The following ZYX variants were observed in gnomAD, a reference collection of about 807,000 sequenced individuals.
ZYX encodes the protein zyxin, also known as zyxin-2.
Under a neutral mutation model 58.1 loss-of-function variants are expected in ZYX, and 37 were observed. The ratio of observed to expected loss-of-function variants is 0.64; its 90% confidence interval spans 0.49 to 0.84. The LOEUF (loss-of-function observed/expected upper bound fraction) is 0.84. Among genes scored for constraint, ZYX ranks in the 40% least tolerant of loss-of-function variants. The pLI is 0.00. For missense variants in ZYX, 762 were observed against 761.6 expected (o/e 1.00, Z -0.01); for synonymous variants, 324 against 321.1 (o/e 1.01, Z -0.10).
Position 143,390,985 on chromosome 7 carries a change from G to GC in ZYX, c.*309dup, listed in dbSNP as rs1219721415. ...ACTGCTGCACCCGCGCCCTCGGCCG[G>GC]CCCCCCGAGCAGCCTTTGTACTCTG... On this transcript the variant is annotated 3_prime_UTR_variant, in exon 10 of 10. Coordinates refer to ENST00000322764, the MANE Select transcript of ZYX (RefSeq NM_003461.5). The surrounding 1 kb of genome is among the most constrained non-coding windows in gnomAD (Gnocchi z 4.3). The GC allele has an allele frequency of 8.7e-5, 35 of 400,314 alleles. No individual in the cohort carries two copies. The highest frequency in any genetic ancestry group is 6.4e-4 in the South Asian group (23 of 36,040). The allele number at this position is 400,314 out of a possible 1,614,324, so 24.8% of individuals were successfully genotyped here.
intron 5 of ZYX, among the ~76,000 whole-genome samples, chr7:143,386,621 T>C (rs2116583192): frequency 6.6e-6 from 1 of 150,978 alleles, no homozygotes; most frequent in East Asian, 2.0e-4. Context: ...TGCGGGTGGC[T>C]GCAGGTGCCC....
chr7:143,384,580 G>C lies in ZYX; in HGVS notation c.1023+1258G>C, dbSNP rs1804789000. On this transcript the variant is annotated intron_variant, in intron 5 of 9. Coordinates refer to ENST00000322764, the MANE Select transcript of ZYX (RefSeq NM_003461.5). This position sits in a 1 kb window ranked among gnomAD's most constrained non-coding sequence, Gnocchi z 4.9. ...CACCAGCAGAGATGTGTATTCGAGGGAGGTCAGTGATGGGTGTGAATTCAC... is the reference window on the plus strand; with the variant it reads ...CACCAGCAGAGATGTGTATTCGAGGCAGGTCAGTGATGGGTGTGAATTCAC... 2.0e-5 allele frequency among the ~76,000 whole-genome samples: 3 copies of C among 152,122 alleles called. No homozygotes were observed. Among genetic ancestry groups the C allele is most frequent in the Admixed American group, 1.3e-4 (2 of 15,260 alleles).
rs1804995666 is a variant in ZYX, at chr7:143,389,570, G to T, written c.1494-287G>T. 2.0e-5 allele frequency among the ~76,000 whole-genome samples: 3 copies of T among 152,230 alleles called. No homozygotes were observed. Among genetic ancestry groups the T allele is most frequent in the Admixed American group, 6.5e-5 (1 of 15,286 alleles). On this transcript the variant is annotated intron_variant, in intron 8 of 9. Transcript: ENST00000322764. The surrounding 1 kb of genome is among the most constrained non-coding windows in gnomAD (Gnocchi z 5.6). Reference sequence around the variant, plus strand: ...AGGGGTACCTCAGGGCTGGCTTTCTGCAGGAGCTGCAGTGTGAATGGGACA... The same window carrying T: ...AGGGGTACCTCAGGGCTGGCTTTCTTCAGGAGCTGCAGTGTGAATGGGACA...
intron 2 of ZYX, 161 bp from the exon 3 acceptor site, chr7:143,382,087 A>T (rs1030097583): frequency 1.5e-6 from 1 of 652,940 alleles, no homozygotes; most frequent in Non-Finnish European, 2.6e-6. Context: ...GCCTTTCCTG[A>T]CCTGGTACTC....
Position 143,390,789 on chromosome 7 carries a change from C to A in ZYX, c.*107C>A. ...TATTGTTTTGATGTCTAGCCCCTCC[C>A]ATTTCCAACCCCTCCCTAGCATCCC... is the stretch of plus-strand genomic sequence containing the variant. On this transcript the variant is annotated 3_prime_UTR_variant, in exon 10 of 10. Transcript: ENST00000322764. The surrounding 1 kb of genome is among the most constrained non-coding windows in gnomAD (Gnocchi z 4.3). 1.2e-6 allele frequency: 1 copy of A among 839,380 alleles called. No homozygotes were observed. Among genetic ancestry groups the A allele is most frequent in the Non-Finnish European group, 1.9e-6 (1 of 521,980 alleles). The allele number at this position is 839,380 out of a possible 1,614,324, so 52.0% of individuals were successfully genotyped here.
At position 143,381,401 on chromosome 7, in the gene ZYX, C is replaced by G. The variant is rs976826339; in HGVS notation, c.-24C>G. On this transcript the variant is annotated 5_prime_UTR_variant, in exon 1 of 10. Coordinates refer to ENST00000322764, the MANE Select transcript of ZYX (RefSeq NM_003461.5). ...CACCCGAGACGCGGCGCGCACGCTC[C>G]GGCCTGCGGTGAGGCGCGGGGAGCG... is the stretch of plus-strand genomic sequence containing the variant. 9.2e-6 allele frequency: 11 copies of G among 1,198,044 alleles called. No individual in the cohort carries two copies. The highest frequency in any genetic ancestry group is 1.1e-5 in the Non-Finnish European group (11 of 964,932). 74.2% of individuals were successfully genotyped at this position (1,198,044 alleles called of 1,614,324 possible).
Position 143,382,826 on chromosome 7 carries a change from C to T in ZYX, c.527C>T (p.Pro176Leu). The T allele has an allele frequency of 1.2e-6, 2 of 1,607,008 alleles. No homozygotes were observed. Among genetic ancestry groups the T allele is most frequent in the Middle Eastern group, 3.3e-4 (2 of 6,018 alleles). ...GTGTCATCTGGATATGTGCCCCCAC[C>T]AGTGGCCACTCCATTCAGTTCCAAG... ...ARVSSGYVPPPVATPFSSKSS... is the reference protein window; with the variant it reads ...ARVSSGYVPPLVATPFSSKSS... Residue 176 changes from proline to leucine, a missense_variant, in exon 5 of 10, where the codon CCA becomes CTA. By Grantham distance (98) the Pro-to-Leu change is moderately conservative. Transcript: ENST00000322764.
In ZYX at chr7:143,388,981, G is replaced by A. The variant is rs374375780; in HGVS notation, c.1493+36G>A. The A allele has an allele frequency of 3.9e-5, 62 of 1,583,602 alleles. No individual in the cohort carries two copies. Among genetic ancestry groups the A allele is most frequent in the Non-Finnish European group, 5.2e-5 (61 of 1,164,722 alleles). On this transcript the variant is annotated intron_variant, in intron 8 of 9. Coordinates refer to ENST00000322764, the MANE Select transcript of ZYX (RefSeq NM_003461.5). This position sits in a 1 kb window ranked among gnomAD's most constrained non-coding sequence, Gnocchi z 7.5. ...GCCACCTGCCTTCTGGGTTCCCGGCGTGCTTGGTCTGGTAGCCCGGCTGCT... is the reference window on the plus strand; with the variant it reads ...GCCACCTGCCTTCTGGGTTCCCGGCATGCTTGGTCTGGTAGCCCGGCTGCT...
In ZYX at chr7:143,390,882, G is replaced by A. The variant is rs985411352; in HGVS notation, c.*200G>A. ...ATCCCCGCCCTGGGGTCTGGTCCTC[G>A]CCCATCCTGCAGGGATTGCCCACCG... is the stretch of plus-strand genomic sequence containing the variant. On this transcript the variant is annotated 3_prime_UTR_variant, in exon 10 of 10. Transcript: ENST00000322764. This position sits in a 1 kb window ranked among gnomAD's most constrained non-coding sequence, Gnocchi z 4.3. 25 of 569,378 alleles carry A rather than the reference G, an allele frequency of 4.4e-5. 1 individual carries two copies. The highest frequency in any genetic ancestry group is 4.1e-4 in the Middle Eastern group (1 of 2,452). 35.3% of individuals were successfully genotyped at this position (569,378 alleles called of 1,614,324 possible).
intron 1 of ZYX, 73 bp downstream of exon 1, chr7:143,381,482 T>C: frequency 7.2e-7 from 1 of 1,394,220 alleles, no homozygotes; most frequent in Non-Finnish European, 9.4e-7. Flanking sequence ...CGAGTGGGGG[T>C]CACCAAGGGG....
At chr7:143,383,437 G>A (rs1355106942) in intron 5 of ZYX, 115 bp downstream of exon 5, 143 of 1,308,882 alleles carry the variant, frequency 1.1e-4, no homozygotes, top group Non-Finnish European at 1.4e-4. Flanking sequence ...CGGGGGTTGC[G>A]GGGTGGCGGG....
In ZYX at chr7:143,387,314, G is replaced by C. The variant is rs189055985; in HGVS notation, c.1024-905G>C. Reference sequence around the variant, plus strand: ...TGGGAGGAGGTAGCAGGGGGGCTTTGGAGGTTCCAGGTGTTATGGGAATGA... The same window carrying C: ...TGGGAGGAGGTAGCAGGGGGGCTTTCGAGGTTCCAGGTGTTATGGGAATGA... On this transcript the variant is annotated intron_variant, in intron 5 of 9. Coordinates refer to ENST00000322764, the MANE Select transcript of ZYX (RefSeq NM_003461.5). This position sits in a 1 kb window ranked among gnomAD's most constrained non-coding sequence, Gnocchi z 5.8. Among the ~76,000 whole-genome samples, 162 of 152,168 alleles carry C rather than the reference G, an allele frequency of 1.1e-3. 3 individuals are homozygous for C. Among genetic ancestry groups the C allele is most frequent in the South Asian group, 7.7e-3 (37 of 4,816 alleles).
intron 5 of ZYX, among the ~76,000 whole-genome samples, chr7:143,383,749 C>A (rs1010185566): frequency 6.6e-6 from 1 of 152,224 alleles, no homozygotes; most frequent in East Asian, 1.9e-4. Flanking sequence ...GAGACAGCCC[C>A]AGTAAACACT....
chr7:143,388,234 G>A lies in ZYX; in HGVS notation c.1039G>A (p.Ala347Thr), dbSNP rs376527378. ...GGGATTGCAGGTGCGCTCCCCTGGGGCCCCAGGGCCCCTGACTCTGAAGGA... is the reference window on the plus strand; with the variant it reads ...GGGATTGCAGGTGCGCTCCCCTGGGACCCCAGGGCCCCTGACTCTGAAGGA... Reference protein sequence around the residue: ...QNQNQVRSPGAPGPLTLKEVE... With the variant: ...QNQNQVRSPGTPGPLTLKEVE... Residue 347 changes from alanine to threonine, a missense_variant, in exon 6 of 10, where the codon GCC becomes ACC. Transcript: ENST00000322764. This position sits in a 1 kb window ranked among gnomAD's most constrained non-coding sequence, Gnocchi z 7.5. 1 of 1,607,790 alleles carries A rather than the reference G, an allele frequency of 6.2e-7. No individual in the cohort carries two copies. Among genetic ancestry groups the A allele is most frequent in the Non-Finnish European group, 8.5e-7 (1 of 1,176,972 alleles).
intron 2 of ZYX, 90 bp from the exon 3 acceptor site, chr7:143,382,158 C>A: frequency 2.7e-6 from 3 of 1,121,248 alleles, no homozygotes; most frequent in Non-Finnish European, 3.8e-6. Flanking sequence ...TGAGAGAGTT[C>A]TTGGGTTAGG....
Position 143,384,390 on chromosome 7 carries a change from G to T in ZYX, c.1023+1068G>T. The T allele has an allele frequency of 2.5e-6, 1 of 403,466 alleles. No individual in the cohort carries two copies. The highest frequency in any genetic ancestry group is 5.1e-6 in the Non-Finnish European group (1 of 196,696). 25.0% of individuals were successfully genotyped at this position (403,466 alleles called of 1,614,324 possible). The stretch of plus-strand genomic sequence containing the variant: ...GGAAGGTTCCTGTAGGAAAATGATA[G>T]AGCTATACTTGGAGAGGCAAGCGGG... On this transcript the variant is annotated intron_variant, in intron 5 of 9. Coordinates refer to ENST00000322764, the MANE Select transcript of ZYX (RefSeq NM_003461.5). This position sits in a 1 kb window ranked among gnomAD's most constrained non-coding sequence, Gnocchi z 4.9.
chr7:143,381,417 G>A lies in ZYX; in HGVS notation c.-16+8G>A, dbSNP rs1804563645. 1 of 1,240,880 alleles carries A rather than the reference G, an allele frequency of 8.1e-7. No homozygotes were observed. The highest frequency in any genetic ancestry group is 1.0e-6 in the Non-Finnish European group (1 of 991,404). 76.9% of individuals were successfully genotyped at this position (1,240,880 alleles called of 1,614,324 possible). A position where few individuals can be genotyped will look rare whatever the true frequency, so the allele number is the denominator to read the frequency against. On this transcript the variant is annotated splice_region_variant and intron_variant, in intron 1 of 9. Transcript: ENST00000322764. Reference sequence around the variant, plus strand: ...CGCACGCTCCGGCCTGCGGTGAGGCGCGGGGAGCGGCAGGGCGGCCCCACG... The same window carrying A: ...CGCACGCTCCGGCCTGCGGTGAGGCACGGGGAGCGGCAGGGCGGCCCCACG...
chr7:143,381,810 G>A (rs1418685890), intron 2 of ZYX, 31 bp downstream of exon 2: 5 of 1,502,208 alleles, frequency 3.3e-6, no homozygotes, highest in African/African-American at 2.8e-5. Flanking sequence ...AATGTACCCC[G>A]GCAGGAGCCG....
Position 143,383,078 on chromosome 7 carries a change from C to G in ZYX, c.779C>G (p.Pro260Arg), listed in dbSNP as rs372271491. 3.7e-6 allele frequency: 6 copies of G among 1,614,234 alleles called. No homozygotes were observed. Among genetic ancestry groups the G allele is most frequent in the Non-Finnish European group, 5.1e-6 (6 of 1,180,048 alleles). ...CCCCGAGGGCCCCCAGCCTCATCTC[C>G]GGCTCCAGCCCCTAAGTTTTCTCCA... ...TQPRGPPASS[P>R]APAPKFSPVT... The change falls in exon 5 of 10, where the codon CCG (proline) becomes CGG (arginine). Residue 260 changes from proline to arginine, a missense_variant. Physicochemically the swap from Pro to Arg is moderately radical, Grantham distance 103. Coordinates refer to ENST00000322764, the MANE Select transcript of ZYX (RefSeq NM_003461.5).
Sources: allele counts gnomAD v4.1 joint callset (sites outside exome capture counted in the v4.1 genomes callset), GRCh38; gene constraint gnomAD v4.1.1; non-coding constraint Gnocchi (gnomAD v3.1); transcripts MANE v1.5; gene names NCBI Gene and HGNC (gene_info 2026-07-23, HGNC 2026-07-21).